Variants in CWC27 observed in about 807,000 individuals in gnomAD.
CWC27 encodes the protein CWC27 spliceosome associated cyclophilin.
In CWC27, 47 loss-of-function variants were observed where a neutral mutation model predicts 63.6. The ratio of observed to expected loss-of-function variants is 0.74; its 90% CI spans 0.58 to 0.94. CWC27 has a LOEUF of 0.94. Among genes scored for constraint, CWC27 ranks in the 40% least tolerant of loss-of-function variants. CWC27 has a pLI of 0.00. For synonymous variants in CWC27, 175 were observed against 179.8 expected, an observed-to-expected ratio of 0.97 and a Z score of 0.22; for missense variants, 495 against 554.3, an observed-to-expected ratio of 0.89 and a Z score of 1.07.
At chr5:64,953,011 G>A (rs1165951635) in intron 11 of CWC27, among the ~76,000 whole-genome samples, 1 of 152,048 alleles carries the variant, frequency 6.6e-6, no homozygotes, top group Non-Finnish European at 1.5e-5. Context: ...TCCATGCTTT[G>A]CCAAGTTGCC....
intron 1 of CWC27, among the ~76,000 whole-genome samples, chr5:64,772,994 C>G (rs970827549): frequency 6.6e-6 from 1 of 151,020 alleles, no homozygotes. Flanking sequence ...AACGACTAGC[C>G]AAATAGATTT....
At chr5:64,878,027 G>A (rs1746837726) in intron 10 of CWC27, among the ~76,000 whole-genome samples, 1 of 151,706 alleles carries the variant, frequency 6.6e-6, no homozygotes, top group Non-Finnish European at 1.5e-5. Context: ...TGATCTGCGT[G>A]GTATAACTTT....
intron 11 of CWC27, among the ~76,000 whole-genome samples, chr5:64,950,406 T>C (rs945842977): frequency 6.6e-6 from 1 of 151,952 alleles, no homozygotes; most frequent in Non-Finnish European, 1.5e-5. Context: ...ATTCATTAAG[T>C]TGTTAATTCA....
At chr5:65,005,397 A>G (rs1277069608) in intron 13 of CWC27, among the ~76,000 whole-genome samples, 1 of 152,124 alleles carries the variant, frequency 6.6e-6, no homozygotes, top group Non-Finnish European at 1.5e-5. Context: ...AGCAGGGCAG[A>G]CTTGTCCTCA....
intron 10 of CWC27, among the ~76,000 whole-genome samples, chr5:64,879,524 G>C (rs959937515): frequency 2.0e-5 from 3 of 151,812 alleles, no homozygotes; most frequent in African/African-American, 7.2e-5. Flanking sequence ...CAAAGAGGTA[G>C]GATAAGATCC....
intron 13 of CWC27, among the ~76,000 whole-genome samples, chr5:65,014,650 C>G (rs1750020001): frequency 6.6e-6 from 1 of 152,032 alleles, no homozygotes; most frequent in Admixed American, 6.6e-5. Flanking sequence ...CCCCTGTACT[C>G]AAATTGAGTC....
At chr5:64,929,795 G>A (rs905066656) in intron 11 of CWC27, among the ~76,000 whole-genome samples, 1 of 150,712 alleles carries the variant, frequency 6.6e-6, no homozygotes, top group African/African-American at 2.4e-5. Context: ...AACTGCTTTG[G>A]AAAAAAAGTT....
intron 11 of CWC27, among the ~76,000 whole-genome samples, chr5:64,910,605 C>T (rs1350282586): frequency 6.6e-6 from 1 of 152,206 alleles, no homozygotes; most frequent in African/African-American, 2.4e-5. Context: ...GTGGGCTCCA[C>T]CCAGTTCAAG....
chr5:64,951,805 A>C (rs762719983), intron 11 of CWC27, among the ~76,000 whole-genome samples: 5 of 152,018 alleles, frequency 3.3e-5, no homozygotes, highest in Non-Finnish European at 7.4e-5. Flanking sequence ...TCCATGTTGT[A>C]GAATGTATCA....
At chr5:64,921,128 A>T (rs1336186936) in intron 11 of CWC27, among the ~76,000 whole-genome samples, 1 of 152,106 alleles carries the variant, frequency 6.6e-6, no homozygotes, top group Non-Finnish European at 1.5e-5. Flanking sequence ...AGATTCTGGT[A>T]TGTTGTGTCT....
intron 11 of CWC27, among the ~76,000 whole-genome samples, chr5:64,910,833 C>A (rs1371635061): frequency 6.6e-6 from 1 of 151,808 alleles, no homozygotes; most frequent in Non-Finnish European, 1.5e-5. Context: ...GCAGGAGTGT[C>A]CCATTTTTCC....
intron 6 of CWC27, among the ~76,000 whole-genome samples, chr5:64,787,959 A>G (rs1743942518): frequency 1.3e-5 from 2 of 152,166 alleles, no homozygotes; most frequent in Admixed American, 6.5e-5. Flanking sequence ...ACCCAGTAGT[A>G]TAGGCATTCA....
At chr5:64,913,113 A>C (rs1747824418) in intron 11 of CWC27, among the ~76,000 whole-genome samples, 1 of 152,190 alleles carries the variant, frequency 6.6e-6, no homozygotes, top group African/African-American at 2.4e-5. Context: ...AAAATAGATC[A>C]ATGTAATTTA....
chr5:64,842,501 A>T (rs1342260649), intron 10 of CWC27, among the ~76,000 whole-genome samples: 1 of 151,844 alleles, frequency 6.6e-6, no homozygotes, highest in Non-Finnish European at 1.5e-5. Context: ...ACGAGATTTC[A>T]CCATGTTAGC....
At chr5:64,979,899 G>A (rs1749302975) in intron 13 of CWC27, among the ~76,000 whole-genome samples, 1 of 149,988 alleles carries the variant, frequency 6.7e-6, no homozygotes, top group Non-Finnish European at 1.5e-5. Flanking sequence ...TTTTGGCTGA[G>A]CTGCTGTATT....
intron 10 of CWC27, among the ~76,000 whole-genome samples, chr5:64,875,438 T>TA (rs1310730521): frequency 6.6e-6 from 1 of 152,282 alleles, no homozygotes. Context: ...TTTTGATAGA[T>TA]ACCTTTCAGG....
chr5:64,924,702 T>C (rs1325445552), intron 11 of CWC27, among the ~76,000 whole-genome samples: 2 of 152,194 alleles, frequency 1.3e-5, no homozygotes, highest in African/African-American at 4.8e-5. Flanking sequence ...TACCACGTTA[T>C]AGTCCCTGGT....
chr5:64,910,553 A>G (rs1190005487), intron 11 of CWC27, among the ~76,000 whole-genome samples: 7 of 152,216 alleles, frequency 4.6e-5, no homozygotes, highest in Non-Finnish European at 1.0e-4. Context: ...CCCTGCCCCC[A>G]GAGGTGGAGT....
At chr5:64,910,785 G>T (rs920775743) in intron 11 of CWC27, among the ~76,000 whole-genome samples, 35 of 152,312 alleles carry the variant, frequency 2.3e-4, no homozygotes, top group African/African-American at 8.2e-4. Context: ...CTCCTGGTGT[G>T]CCATTTGCTA....
Sources: allele counts gnomAD v4.1 joint callset (sites outside exome capture counted in the v4.1 genomes callset), GRCh38; gene constraint gnomAD v4.1.1; transcripts MANE v1.5; gene names NCBI Gene and HGNC (gene_info 2026-07-23, HGNC 2026-07-21).